CEP44: variants seen among roughly 807,000 people sequenced by gnomAD.
CEP44 encodes the protein centrosomal protein 44.
Under a neutral mutation model 46.7 loss-of-function variants are expected in CEP44, and 45 were observed. The observed-to-expected ratio is 0.96, with a 90% CI of 0.76 to 1.24. The LOEUF (loss-of-function observed/expected upper bound fraction) is 1.24, where lower values mean the gene tolerates loss of function less well. Ranked by LOEUF, CEP44 falls within the 50% of genes most tolerant of loss-of-function variation. CEP44 has a pLI of 0.00. For missense variants in CEP44, 475 were observed against 459.7 expected, an observed-to-expected ratio of 1.03 and a Z score of -0.30; for synonymous variants, 142 against 146.0, an observed-to-expected ratio of 0.97 and a Z score of 0.20.
Position 174,308,817 on chromosome 4 carries a change from G to C in CEP44, c.636G>C (p.Lys212Asn). 6.2e-7 allele frequency: 1 copy of C among 1,613,216 alleles called. No individual in the cohort carries two copies. The highest frequency in any genetic ancestry group is 8.5e-7 in the Non-Finnish European group (1 of 1,179,402). Residue 212 changes from lysine (K) to asparagine (N), a missense_variant, in exon 7 of 12, where the codon AAG (lysine) becomes AAC (asparagine). Transcript: ENST00000503780. The part of the protein sequence containing the change: ...DVSDLNATEI[K>N]MPEVKVPEIK... The stretch of plus-strand genomic sequence containing the variant: ...CTGACTTAAATGCTACTGAAATAAA[G>C]ATGCCTGAAGTAAAGGTTCCTGAAA...
intron 3 of CEP44, 23 bp from the exon 4 acceptor site, chr4:174,302,016 T>C (rs1428896258): frequency 6.4e-7 from 1 of 1,572,554 alleles, no homozygotes. Flanking sequence ...TTATTAAAAA[T>C]ATTTTTCTTT....
chr4:174,310,067 CCTT>C lies in CEP44; in HGVS notation c.885+12_885+14del. Reference sequence around the variant, plus strand: ...CTTTTGTCTAAAAAGGTATTTTCCTCCTTTAACATTTATAAAATATCTCAGATA... The same window carrying C: ...CTTTTGTCTAAAAAGGTATTTTCCTCTAACATTTATAAAATATCTCAGATA... On this transcript the variant is annotated intron_variant, in intron 8 of 11. Transcript: ENST00000503780. This position sits in a 1 kb window ranked among gnomAD's most constrained non-coding sequence, Gnocchi z 4.2. 6.3e-7 allele frequency: 1 copy of C among 1,598,912 alleles called. No individual in the cohort carries two copies. The highest frequency in any genetic ancestry group is 8.5e-7 in the Non-Finnish European group (1 of 1,174,034).
Position 174,320,289 on chromosome 4 carries a change from ATGT to A in CEP44, c.*2910_*2912del. 1 of 977,574 alleles carries A rather than the reference ATGT, an allele frequency of 1.0e-6. No individual in the cohort carries two copies. Among genetic ancestry groups the A allele is most frequent in the Non-Finnish European group, 1.2e-6 (1 of 823,022 alleles). 60.6% of individuals were successfully genotyped at this position (977,574 alleles called of 1,614,324 possible). ...GTTTTCCTCTACTGTTTTTAATGTG[ATGT>A]TGTAATATATTTTAAAAATAAAACT... On this transcript the variant is annotated 3_prime_UTR_variant, in exon 12 of 12. Transcript: ENST00000503780.
intron 9 of CEP44, among the ~76,000 whole-genome samples, chr4:174,315,792 G>C (rs1363342636): frequency 7.1e-6 from 1 of 141,798 alleles, no homozygotes; most frequent in African/African-American, 2.6e-5. Flanking sequence ...AGTGAGCCGA[G>C]ATCGCGCCAC....
In CEP44 at chr4:174,304,464, T is replaced by G; in HGVS notation, c.507+95T>G. On this transcript the variant is annotated intron_variant, in intron 6 of 11. Coordinates refer to ENST00000503780, the MANE Select transcript of CEP44 (RefSeq NM_001040157.3). ...TTTTCTGATTGGCACCTGATGAACA[T>G]TCTAGTTAGATATTGGAGTTCATTG... The G allele has an allele frequency of 2.0e-6, 3 of 1,486,052 alleles. No homozygotes were observed. In the Admixed American group the frequency reaches 7.6e-5, roughly 38 times the overall value. 92.1% of individuals were successfully genotyped at this position (1,486,052 alleles called of 1,614,324 possible). A position where few individuals can be genotyped will look rare whatever the true frequency, so the allele number is the denominator to read the frequency against.
intron 1 of CEP44, chr4:174,284,303 G>C (rs1737307534): frequency 2.7e-6 from 1 of 372,860 alleles, no homozygotes; most frequent in South Asian, 1.5e-4. Flanking sequence ...TACCCAACTA[G>C]TATATGCTTT....
In CEP44 at chr4:174,310,863, GT is replaced by G; in HGVS notation, c.961+8del. ...ACATGGACCTTCTGAATCCTCGTAA[GT>G]TTGTAAATACTATGAGAATTGGTAT... On this transcript the variant is annotated splice_donor_region_variant and intron_variant, in intron 9 of 11. Transcript: ENST00000503780. The surrounding 1 kb of genome is among the most constrained non-coding windows in gnomAD (Gnocchi z 4.2). 1 of 1,340,298 alleles carries G rather than the reference GT, an allele frequency of 7.5e-7. No individual in the cohort carries two copies. The highest frequency in any genetic ancestry group is 1.3e-5 in the South Asian group (1 of 77,898). 83.0% of individuals were successfully genotyped at this position (1,340,298 alleles called of 1,614,324 possible).
At chr4:174,298,928 T>C in intron 2 of CEP44, 144 bp from the exon 3 acceptor site, 1 of 518,516 alleles carries the variant, frequency 1.9e-6, no homozygotes, top group Non-Finnish European at 3.4e-6. Flanking sequence ...AAGTAGAACT[T>C]GAGTAGTAGA....
Position 174,311,694 on chromosome 4 carries a change from T to C in CEP44, c.961+836T>C, listed in dbSNP as rs1741099274. Among the ~76,000 whole-genome samples, 1 of 152,186 alleles carries C rather than the reference T, an allele frequency of 6.6e-6. No individual in the cohort carries two copies. Among genetic ancestry groups the C allele is most frequent in the African/African-American group, 2.4e-5 (1 of 41,446 alleles). On this transcript the variant is annotated intron_variant, in intron 9 of 11. Transcript: ENST00000503780. This position sits in a 1 kb window ranked among gnomAD's most constrained non-coding sequence, Gnocchi z 4.4. ...AACCATTGCAAGATAAGTACTATTT[T>C]TATATTTTACAGTTGAGGAAACTGA...
chr4:174,303,926 AC>A (rs200847649), intron 5 of CEP44, 77 bp downstream of exon 5: 18,248 of 982,584 alleles, frequency 0.019, 227 homozygotes, highest in Non-Finnish European at 0.023. Flanking sequence ...TAAAATCAAA[AC>A]CCTAGACAGC....
At chr4:174,294,481 C>G (rs1409945527) in intron 1 of CEP44, among the ~76,000 whole-genome samples, 7 of 151,626 alleles carry the variant, frequency 4.6e-5, no homozygotes, top group Admixed American at 1.3e-4. Flanking sequence ...ATTTCTCAAT[C>G]CTTTCCCCGC....
At chr4:174,306,203 A>C (rs1245689559) in intron 6 of CEP44, among the ~76,000 whole-genome samples, 3 of 152,154 alleles carry the variant, frequency 2.0e-5, no homozygotes, top group Non-Finnish European at 2.9e-5. Flanking sequence ...AGGTAAATGC[A>C]TACCGTGACC....
chr4:174,326,310 A>G lies in CEP44; in HGVS notation c.1087-5172A>G, dbSNP rs1265184729. Among the ~76,000 whole-genome samples the G allele has an allele frequency of 6.6e-6, 1 of 151,324 alleles. No individual in the cohort carries two copies. The highest frequency in any genetic ancestry group is 2.4e-5 in the African/African-American group (1 of 40,852). ...TTAACTTACTATAAGCTACTGTCAA[A>G]TATTATACTACTCATTTTTCAGTAT... On this transcript the variant is annotated intron_variant, in intron 8 of 8. Coordinates refer to the CEP44 transcript ENST00000426172. The surrounding 1 kb of genome is among the most constrained non-coding windows in gnomAD (Gnocchi z 4.8).
intron 4 of CEP44, among the ~76,000 whole-genome samples, chr4:174,302,775 TGTA>T (rs1273621055): frequency 6.6e-6 from 1 of 151,812 alleles, no homozygotes; most frequent in Non-Finnish European, 1.5e-5. Flanking sequence ...ACTTATCAAA[TGTA>T]GTCTATTTTT....
chr4:174,308,670 C>T lies in CEP44; in HGVS notation c.508-19C>T, dbSNP rs766876653. ...GAGGAAAACATTGAAGTGTTTCTTA[C>T]ATATTTTTCTCTATGCAGAAGAAAG... is the stretch of plus-strand genomic sequence containing the variant. On this transcript the variant is annotated intron_variant, in intron 6 of 11. Coordinates refer to ENST00000503780, the MANE Select transcript of CEP44 (RefSeq NM_001040157.3). The T allele has an allele frequency of 1.3e-6, 2 of 1,573,064 alleles. No individual in the cohort carries two copies. Among genetic ancestry groups the T allele is most frequent in the African/African-American group, 1.4e-5 (1 of 73,022 alleles).
At chr4:174,302,015 AT>A (rs779307236) in intron 3 of CEP44, 23 bp from the exon 4 acceptor site, 2 of 1,572,288 alleles carry the variant, frequency 1.3e-6, no homozygotes, top group Non-Finnish European at 1.7e-6. Context: ...CTTATTAAAA[AT>A]ATTTTTCTTT....
chr4:174,308,331 A>G (rs1221955071), intron 6 of CEP44, among the ~76,000 whole-genome samples: 1 of 152,184 alleles, frequency 6.6e-6, no homozygotes, highest in East Asian at 1.9e-4. Flanking sequence ...TTGCAGAGAC[A>G]TGGATGGAGC....
At position 174,312,015 on chromosome 4, in the gene CEP44, T is replaced by G. The variant is rs1425944146; in HGVS notation, c.961+1157T>G. Among the ~76,000 whole-genome samples, 1 of 152,198 alleles carries G rather than the reference T, an allele frequency of 6.6e-6. No individual in the cohort carries two copies. The highest frequency in any genetic ancestry group is 2.4e-5 in the African/African-American group (1 of 41,458). ...TTCAACAAATGTTAATGCTTGAGTA[T>G]AAGATCCTTGAGAGCAAAAACTTTA... On this transcript the variant is annotated intron_variant, in intron 9 of 11. Transcript: ENST00000503780. This position sits in a 1 kb window ranked among gnomAD's most constrained non-coding sequence, Gnocchi z 4.5.
rs897965931 is a variant in CEP44 at position 174,312,036 on chromosome 4, C to G, written c.961+1178C>G. Reference sequence around the variant, plus strand: ...AGTATAAGATCCTTGAGAGCAAAAACTTTATCTTATGGTCTGCCTGTCTAG... The same window carrying G: ...AGTATAAGATCCTTGAGAGCAAAAAGTTTATCTTATGGTCTGCCTGTCTAG... On this transcript the variant is annotated intron_variant, in intron 9 of 11. Coordinates refer to ENST00000503780, the MANE Select transcript of CEP44 (RefSeq NM_001040157.3). This position sits in a 1 kb window ranked among gnomAD's most constrained non-coding sequence, Gnocchi z 4.5. Among the ~76,000 whole-genome samples, 3 of 152,154 alleles carry G rather than the reference C, an allele frequency of 2.0e-5. No individual in the cohort carries two copies. The highest frequency in any genetic ancestry group is 4.4e-5 in the Non-Finnish European group (3 of 68,012).
Sources: allele counts gnomAD v4.1 joint callset (sites outside exome capture counted in the v4.1 genomes callset), GRCh38; gene constraint gnomAD v4.1.1; non-coding constraint Gnocchi (gnomAD v3.1); transcripts MANE v1.5; gene names NCBI Gene and HGNC (gene_info 2026-07-23, HGNC 2026-07-21).